Variants in PPP3CB observed in about 807,000 individuals in gnomAD.
PPP3CB encodes the protein serine/threonine-protein phosphatase 2B catalytic subunit beta isoform.
In PPP3CB, 8 loss-of-function variants were observed where a neutral mutation model predicts 66.4. The observed-to-expected ratio is 0.12, with a 90% CI of 0.07 to 0.22. The LOEUF (loss-of-function observed/expected upper bound fraction) is 0.22. Ranked by LOEUF, PPP3CB falls within the 10% of genes least tolerant of loss-of-function variation. The pLI, the probability that PPP3CB is intolerant of heterozygous loss-of-function variation, is 1.00. For missense variants in PPP3CB, 319 were observed against 642.5 expected, an observed-to-expected ratio of 0.50 and a Z score of 5.44; for synonymous variants, 208 against 221.2, an observed-to-expected ratio of 0.94 and a Z score of 0.53.
At chr10:73,479,615 G>C in intron 1 of PPP3CB, 98 bp from the exon 2 acceptor site, 3 of 1,176,760 alleles carry the variant, frequency 2.5e-6, no homozygotes, top group Non-Finnish European at 3.5e-6. Context: ...CTGTAAAGCA[G>C]GGATTTTTCT....
intron 9 of PPP3CB, among the ~76,000 whole-genome samples, chr10:73,461,661 T>C (rs570859104): frequency 1.3e-5 from 2 of 152,290 alleles, no homozygotes; most frequent in South Asian, 4.1e-4. Context: ...AGATGAGACT[T>C]TGGAGTTGGC....
In PPP3CB at chr10:73,456,501, A is replaced by G. The variant is rs146226911; in HGVS notation, c.1109-2012T>C. Among the ~76,000 whole-genome samples, 38 of 152,352 alleles carry G rather than the reference A, an allele frequency of 2.5e-4. 1 individual carries two copies. The East Asian group carries it at 6.6e-3, about 26-fold the overall frequency. On this transcript the variant is annotated intron_variant, in intron 9 of 13. Transcript: ENST00000360663. ...TGATGTAGTAGTCATTTATCACAAC[A>G]GAACAGAGAGTCCAGAAAGAAAACC...
At chr10:73,493,030 C>T (rs1450035814) in intron 1 of PPP3CB, among the ~76,000 whole-genome samples, 3 of 152,096 alleles carry the variant, frequency 2.0e-5, no homozygotes, top group African/African-American at 7.2e-5. Flanking sequence ...AATCCCAACA[C>T]TTTGGGAGGC....
In PPP3CB at chr10:73,476,804, G is replaced by A. The variant is rs569515537; in HGVS notation, c.411+1695C>T. On this transcript the variant is annotated intron_variant, in intron 3 of 13. Transcript: ENST00000360663. ...GAAGCCCTGTGACAATTTGGGAAAA[G>A]TTGACGAGGCTAATAATCAACTATC... Among the ~76,000 whole-genome samples the A allele has an allele frequency of 2.6e-3, 392 of 152,218 alleles. 2 individuals are homozygous for A. Among genetic ancestry groups the A allele is most frequent in the Admixed American group, 4.3e-3 (65 of 15,272 alleles).
chr10:73,459,162 C>A (rs970666109), intron 9 of PPP3CB, among the ~76,000 whole-genome samples: 11 of 151,870 alleles, frequency 7.2e-5, no homozygotes, highest in Admixed American at 7.2e-4. Flanking sequence ...CAATATGACC[C>A]AGCAATTTCA....
At chr10:73,480,940 T>C (rs1486259404) in intron 1 of PPP3CB, among the ~76,000 whole-genome samples, 2 of 152,162 alleles carry the variant, frequency 1.3e-5, no homozygotes, top group African/African-American at 2.4e-5. Context: ...GTCATATACC[T>C]AGGAAAAATT....
chr10:73,462,324 CTCTTT>C (rs2056536355), intron 9 of PPP3CB, among the ~76,000 whole-genome samples: 1 of 151,558 alleles, frequency 6.6e-6, no homozygotes, highest in Non-Finnish European at 1.5e-5. Context: ...GTGCCTGGCC[CTCTTT>C]TCTTTATACA....
chr10:73,465,479 A>G (rs975979341), intron 9 of PPP3CB, among the ~76,000 whole-genome samples: 4 of 152,164 alleles, frequency 2.6e-5, no homozygotes, highest in Admixed American at 2.0e-4. Context: ...GGAGGATTAC[A>G]TAAGCCCAGG....
At chr10:73,486,211 T>C (rs546255602) in intron 1 of PPP3CB, among the ~76,000 whole-genome samples, 64 of 151,764 alleles carry the variant, frequency 4.2e-4, no homozygotes, top group Non-Finnish European at 6.6e-4. Context: ...TCCAAAGTGC[T>C]GGGATTACAG....
chr10:73,462,137 CTTCTTT>C (rs1564556724), intron 9 of PPP3CB, among the ~76,000 whole-genome samples: 3 of 141,614 alleles, frequency 2.1e-5, no homozygotes, highest in Non-Finnish European at 4.5e-5. Context: ...AATTAAACTC[CTTCTTT>C]TTTTTTTTTT....
At chr10:73,491,251 G>A (rs974621827) in intron 1 of PPP3CB, among the ~76,000 whole-genome samples, 2 of 151,242 alleles carry the variant, frequency 1.3e-5, no homozygotes, top group African/African-American at 4.9e-5. Context: ...GGCTGGTCTC[G>A]AACTCCTGAT....
At chr10:73,474,850 ACT>A in intron 4 of PPP3CB, 67 bp downstream of exon 4, 1 of 1,569,212 alleles carries the variant, frequency 6.4e-7, no homozygotes, top group Non-Finnish European at 8.6e-7. Flanking sequence ...AGTCTTCAAA[ACT>A]CTTACTACCC....
At chr10:73,441,661 A>T (rs1464673888) in intron 12 of PPP3CB, among the ~76,000 whole-genome samples, 1 of 152,226 alleles carries the variant, frequency 6.6e-6, no homozygotes, top group African/African-American at 2.4e-5. Flanking sequence ...CCTCAGTACT[A>T]TGCAAGATAA....
At chr10:73,478,701 CA>C (rs1249656302) in intron 2 of PPP3CB, 78 bp from the exon 3 acceptor site, 2 of 1,272,950 alleles carry the variant, frequency 1.6e-6, no homozygotes, top group African/African-American at 1.5e-5. Flanking sequence ...ACGTATTTTA[CA>C]TAAGACATAG....
Position 73,438,183 on chromosome 10 carries a change from T to A in PPP3CB, c.*59A>T. On this transcript the variant is annotated 3_prime_UTR_variant, in exon 14 of 14. Coordinates refer to ENST00000360663, the MANE Select transcript of PPP3CB (RefSeq NM_021132.4). ...AGTCAGCTTGGCCGACCCCTCCAGC[T>A]CCTCGGGTGATCTGTCCATTTGGGG... is the stretch of plus-strand genomic sequence containing the variant. 2 of 1,529,120 alleles carry A rather than the reference T, an allele frequency of 1.3e-6. No homozygotes were observed. The highest frequency in any genetic ancestry group is 1.4e-5 in the African/African-American group (1 of 72,414). The allele number at this position is 1,529,120 out of a possible 1,614,324, so 94.7% of individuals were successfully genotyped here. A position where few individuals can be genotyped will look rare whatever the true frequency, so the allele number is the denominator to read the frequency against.
At chr10:73,476,600 G>C (rs2056792651) in intron 3 of PPP3CB, among the ~76,000 whole-genome samples, 1 of 147,912 alleles carries the variant, frequency 6.8e-6, no homozygotes, top group African/African-American at 2.5e-5. Flanking sequence ...CTGGGCGACA[G>C]AGTGAGAGTC....
Position 73,474,994 on chromosome 10 carries a change from G to C in PPP3CB, c.448C>G (p.Pro150Ala). 1 of 1,613,596 alleles carries C rather than the reference G, an allele frequency of 6.2e-7. No homozygotes were observed. Among genetic ancestry groups the C allele is most frequent in the Non-Finnish European group, 8.5e-7 (1 of 1,179,820 alleles). The change falls in exon 4 of 14, where the codon CCA becomes GCA. Residue 150 changes from proline to alanine, a missense_variant. Transcript: ENST00000360663. ...LYLWVLKILY[P>A]STLFLLRGNH... ...CCTCTCAGAAGAAATAATGTGCTTG[G>C]GTATAGAATCTTCAGAACCCATAAA...
intron 1 of PPP3CB, among the ~76,000 whole-genome samples, chr10:73,485,657 T>C (rs369365567): frequency 2.5e-4 from 38 of 152,314 alleles, no homozygotes; most frequent in African/African-American, 8.9e-4. Context: ...CTTGCTGTTC[T>C]CCCTCCATCC....
At chr10:73,459,798 AGGG>A (rs1208512690) in intron 9 of PPP3CB, among the ~76,000 whole-genome samples, 1 of 152,152 alleles carries the variant, frequency 6.6e-6, no homozygotes. Flanking sequence ...AGGGTTAGCA[AGGG>A]GGGTTAGGGG....
Sources: gnomAD v4.1 joint callset for allele counts (sites outside exome capture counted in the v4.1 genomes callset) on GRCh38, gnomAD v4.1.1 for gene constraint, MANE v1.5 for transcripts, NCBI Gene and HGNC (gene_info 2026-07-23, HGNC 2026-07-21) for gene names.